The following PSD3 variants were observed in gnomAD, a reference collection of about 807,000 sequenced individuals.
PSD3 encodes pleckstrin and Sec7 domain containing 3, also known as PH and SEC7 domain-containing protein 3.
Under a neutral mutation model 105.5 loss-of-function variants are expected in PSD3, and 49 were observed. That is an observed-to-expected ratio of 0.46 (90% CI 0.37 to 0.59). PSD3 has a LOEUF of 0.59. Among genes scored for constraint, PSD3 ranks in the 20% least tolerant of loss-of-function variants. PSD3 has a pLI of 0.00. For synonymous variants in PSD3, 557 were observed against 457.8 expected (o/e 1.22, Z -2.77); for missense variants, 1,561 against 1,263.8 (o/e 1.24, Z -3.57).
intron 1 of PSD3, among the ~76,000 whole-genome samples, chr8:19,062,244 C>T (rs912954525): frequency 1.3e-5 from 2 of 152,178 alleles, no homozygotes; most frequent in South Asian, 2.1e-4. Flanking sequence ...GCAGAAGCGG[C>T]GGGGTCTCAG....
chr8:18,533,034 C>T lies in PSD3; in HGVS notation c.*2709G>A, dbSNP rs1235789787. The T allele has an allele frequency of 6.6e-6, 1 of 152,184 alleles. No homozygotes were observed. The highest frequency in any genetic ancestry group is 2.4e-5 in the African/African-American group (1 of 41,414). The allele number at this position is 152,184 out of a possible 1,614,324, so 9.4% of individuals were successfully genotyped here. On this transcript the variant is annotated 3_prime_UTR_variant, in exon 16 of 16. Transcript: ENST00000327040. ...AAAGGGAAGGGGTGCTCCCTTGTAC[C>T]GTGAATTGGGCAACAGGCTTGGAGC...
At chr8:19,081,326 G>T (rs886115275) in intron 1 of PSD3, among the ~76,000 whole-genome samples, 1 of 152,184 alleles carries the variant, frequency 6.6e-6, no homozygotes, top group Non-Finnish European at 1.5e-5. Flanking sequence ...CTCCACCAGA[G>T]GAATTAGGAG....
rs376174822 is a variant in PSD3 at position 18,656,371 on chromosome 8, C to T, written c.2173-686G>A. On this transcript the variant is annotated intron_variant, in intron 9 of 15. Coordinates refer to ENST00000327040, the MANE Select transcript of PSD3 (RefSeq NM_015310.4). Reference sequence around the variant, plus strand: ...CTGTGTCTGGCTGCTTTTTTTTTTTCGTTAATGAAAGAAATAGAATTGTTT... The same window carrying T: ...CTGTGTCTGGCTGCTTTTTTTTTTTTGTTAATGAAAGAAATAGAATTGTTT... Among the ~76,000 whole-genome samples, 1,045 of 122,574 alleles carry T rather than the reference C, an allele frequency of 8.5e-3. 6 individuals are homozygous for T. The highest frequency in any genetic ancestry group is 0.013 in the Admixed American group (167 of 12,718). 80.4% of individuals were successfully genotyped at this position (122,574 alleles called of 152,430 possible). A position where few individuals can be genotyped will look rare whatever the true frequency, so the allele number is the denominator to read the frequency against.
At chr8:18,643,293 A>G (rs1807785803) in intron 10 of PSD3, among the ~76,000 whole-genome samples, 1 of 152,160 alleles carries the variant, frequency 6.6e-6, no homozygotes, top group Non-Finnish European at 1.5e-5. Flanking sequence ...TCATGACCTA[A>G]GCACCTCTTA....
chr8:18,583,596 C>T (rs1311250965), intron 12 of PSD3, among the ~76,000 whole-genome samples: 1 of 152,110 alleles, frequency 6.6e-6, no homozygotes, highest in Non-Finnish European at 1.5e-5. Context: ...ATCTAAGTAT[C>T]CATACACGTT....
intron 1 of PSD3, among the ~76,000 whole-genome samples, chr8:19,054,877 C>T (rs775604106): frequency 5.3e-5 from 8 of 152,160 alleles, no homozygotes; most frequent in Non-Finnish European, 1.2e-4. Flanking sequence ...ACATTATACA[C>T]TATAGACATA....
chr8:18,847,455 T>G (rs1323210909), intron 4 of PSD3, among the ~76,000 whole-genome samples: 2 of 152,208 alleles, frequency 1.3e-5, no homozygotes, highest in African/African-American at 4.8e-5. Context: ...GGGCAAGCTA[T>G]GCACACTGTT....
At chr8:18,670,928 T>C (rs963906792) in intron 9 of PSD3, among the ~76,000 whole-genome samples, 6 of 152,172 alleles carry the variant, frequency 3.9e-5, no homozygotes, top group African/African-American at 1.4e-4. Flanking sequence ...GACCACACAG[T>C]GTACACTTTG....
chr8:18,789,450 C>A (rs1315608432), intron 8 of PSD3, among the ~76,000 whole-genome samples: 1 of 152,070 alleles, frequency 6.6e-6, no homozygotes, highest in Non-Finnish European at 1.5e-5. Flanking sequence ...GTGTTATTCA[C>A]TTAATGGGTT....
chr8:18,964,338 G>C (rs573575921), intron 1 of PSD3, among the ~76,000 whole-genome samples: 1 of 152,156 alleles, frequency 6.6e-6, no homozygotes, highest in East Asian at 1.9e-4. Context: ...TGCCCAAACT[G>C]GTCTCAAACT....
At chr8:18,661,880 T>C (rs1237229926) in intron 9 of PSD3, among the ~76,000 whole-genome samples, 3 of 152,178 alleles carry the variant, frequency 2.0e-5, no homozygotes, top group African/African-American at 7.2e-5. Context: ...ACTGGACAGT[T>C]TTCACATGCC....
At chr8:19,035,765 G>T (rs1032818205) in intron 1 of PSD3, among the ~76,000 whole-genome samples, 6 of 151,178 alleles carry the variant, frequency 4.0e-5, no homozygotes, top group African/African-American at 1.2e-4. Flanking sequence ...TTTGGGGGGG[G>T]TGTGGGGGTG....
chr8:18,898,907 T>A (rs964868062), intron 2 of PSD3, among the ~76,000 whole-genome samples: 1 of 152,158 alleles, frequency 6.6e-6, no homozygotes, highest in Non-Finnish European at 1.5e-5. Flanking sequence ...GCACATTCAG[T>A]GTAAATGTAC....
At chr8:18,650,242 G>C (rs1003682943) in intron 10 of PSD3, among the ~76,000 whole-genome samples, 2 of 152,106 alleles carry the variant, frequency 1.3e-5, no homozygotes, top group Non-Finnish European at 2.9e-5. Flanking sequence ...TCCAACATAA[G>C]ATATAAACTC....
intron 4 of PSD3, among the ~76,000 whole-genome samples, chr8:18,862,669 ATTC>A (rs1485698896): frequency 6.6e-6 from 1 of 151,598 alleles, no homozygotes; most frequent in African/African-American, 2.4e-5. Flanking sequence ...ATTTTAAATT[ATTC>A]TTTTAATATT....
intron 8 of PSD3, chr8:18,786,898 C>T (rs369053147): frequency 1.3e-5 from 2 of 152,194 alleles, no homozygotes; most frequent in East Asian, 3.8e-4. Context: ...TTGCTGCTTA[C>T]TGGCACATAT....
intron 1 of PSD3, among the ~76,000 whole-genome samples, chr8:19,070,003 G>A (rs1476650690): frequency 6.6e-6 from 1 of 150,380 alleles, no homozygotes; most frequent in African/African-American, 2.5e-5. Flanking sequence ...GGCGTGCAGT[G>A]GCATGATCTC....
chr8:18,980,624 C>T (rs918374733), intron 1 of PSD3, among the ~76,000 whole-genome samples: 1 of 151,946 alleles, frequency 6.6e-6, no homozygotes, highest in African/African-American at 2.4e-5. Context: ...CCTTTCTTGC[C>T]TCTTTTTGAC....
Position 18,743,197 on chromosome 8 carries a change from G to GA in PSD3, c.2172+22251dup, listed in dbSNP as rs1804718924. On this transcript the variant is annotated intron_variant, in intron 9 of 15. Transcript: ENST00000327040. ...AACTGGCCAAAGGTAGAATAACAGC[G>GA]AAAAAAGCATACAATTTATTAATAT... 3.9e-5 allele frequency among the ~76,000 whole-genome samples: 6 copies of GA among 152,156 alleles called. No homozygotes were observed. In the South Asian group the frequency reaches 1.2e-3, roughly 32 times the overall value.
Sources: gnomAD v4.1 joint callset for allele counts (sites outside exome capture counted in the v4.1 genomes callset) on GRCh38, gnomAD v4.1.1 for gene constraint, MANE v1.5 for transcripts, NCBI Gene and HGNC (gene_info 2026-07-23, HGNC 2026-07-21) for gene names.